Variants in CELF4 observed in about 807,000 individuals in gnomAD.
CELF4 encodes the protein CUGBP Elav-like family member 4.
Under a neutral mutation model 59.9 loss-of-function variants are expected in CELF4, and 18 were observed. The observed-to-expected ratio is 0.30, with a 90% CI of 0.21 to 0.45. The LOEUF (loss-of-function observed/expected upper bound fraction) is 0.45, where lower values mean the gene tolerates loss of function less well. CELF4 is among the 20% of genes least tolerant of loss of function. CELF4 has a pLI of 1.00. For missense variants in CELF4, 456 were observed against 689.0 expected (o/e 0.66, Z 3.79); for synonymous variants, 261 against 267.1 (o/e 0.98, Z 0.22).
intron 2 of CELF4, among the ~76,000 whole-genome samples, chr18:37,479,147 A>G (rs1000344028): frequency 3.3e-5 from 5 of 152,188 alleles, no homozygotes; most frequent in Non-Finnish European, 5.9e-5. Context: ...TAATGCCCGG[A>G]GGTGGACTCT....
intron 2 of CELF4, among the ~76,000 whole-genome samples, chr18:37,377,272 G>A (rs925791205): frequency 3.9e-5 from 6 of 152,120 alleles, no homozygotes; most frequent in African/African-American, 7.2e-5. Flanking sequence ...GCCTGAGGAC[G>A]GCCTCCTGCT....
chr18:37,249,985 T>G (rs1217564256), intron 12 of CELF4, among the ~76,000 whole-genome samples: 1 of 152,114 alleles, frequency 6.6e-6, no homozygotes, highest in African/African-American at 2.4e-5. Flanking sequence ...CAGGACAAGA[T>G]GCTTGGTGCA....
intron 2 of CELF4, among the ~76,000 whole-genome samples, chr18:37,329,115 T>C (rs977261058): frequency 8.3e-5 from 12 of 145,398 alleles, no homozygotes; most frequent in Admixed American, 6.1e-4. Flanking sequence ...TCAGGGCATT[T>C]ACCTCCTATG....
At position 37,557,859 on chromosome 18, in the gene CELF4, C is replaced by T. The variant is rs542114707; in HGVS notation, c.286+7497G>A. On this transcript the variant is annotated intron_variant, in intron 1 of 12. Coordinates refer to ENST00000420428, the MANE Select transcript of CELF4 (RefSeq NM_020180.4). Reference sequence around the variant, plus strand: ...TAGGATTTGTTCCTGAGCTGAGCTGCGGGGAATCACCCTGTTTGAAATCCT... The same window carrying T: ...TAGGATTTGTTCCTGAGCTGAGCTGTGGGGAATCACCCTGTTTGAAATCCT... Among the ~76,000 whole-genome samples, 29 of 152,112 alleles carry T rather than the reference C, an allele frequency of 1.9e-4. No homozygotes were observed. The Middle Eastern group carries it at 0.01, about 54-fold the overall frequency.
At chr18:37,269,259 T>C (rs2089957678) in intron 8 of CELF4, among the ~76,000 whole-genome samples, 1 of 151,892 alleles carries the variant, frequency 6.6e-6, no homozygotes, top group African/African-American at 2.4e-5. Flanking sequence ...TCTAGACTCC[T>C]CTGGCCTCTT....
In CELF4 at chr18:37,483,946, T is replaced by G. The variant is rs115955640; in HGVS notation, c.369+1579A>C. 3.6e-3 allele frequency among the ~76,000 whole-genome samples: 546 copies of G among 152,332 alleles called. 4 individuals are homozygous for G. The highest frequency in any genetic ancestry group is 0.012 in the African/African-American group (512 of 41,576). ...ATATGTAAAATAAACAACCACAAGT[T>G]AATGTTAGATCCTCAACAATCCACA... On this transcript the variant is annotated intron_variant, in intron 2 of 12. Coordinates refer to ENST00000420428, the MANE Select transcript of CELF4 (RefSeq NM_020180.4).
At chr18:37,490,507 G>A (rs1430549625) in intron 1 of CELF4, among the ~76,000 whole-genome samples, 2 of 152,160 alleles carry the variant, frequency 1.3e-5, no homozygotes, top group Admixed American at 6.5e-5. Flanking sequence ...CACATCTGCC[G>A]CCTGGCAAAT....
At chr18:37,379,032 C>T (rs674373) in intron 2 of CELF4, among the ~76,000 whole-genome samples, 69,342 of 152,146 alleles carry the variant, frequency 0.46, 16,326 homozygotes, top group East Asian at 0.68. Context: ...ATGCTGCTGG[C>T]TCTTCCTCAC....
intron 2 of CELF4, among the ~76,000 whole-genome samples, chr18:37,392,899 A>T (rs1276731109): frequency 3.3e-5 from 5 of 152,002 alleles, no homozygotes; most frequent in African/African-American, 9.7e-5. Context: ...CAGCGCCTAC[A>T]TTGATATTGT....
intron 2 of CELF4, among the ~76,000 whole-genome samples, chr18:37,353,032 T>C (rs375048232): frequency 3.6e-4 from 55 of 152,014 alleles, no homozygotes; most frequent in South Asian, 1.0e-3. Context: ...CCATCCTGGC[T>C]AACACGGTGA....
intron 2 of CELF4, among the ~76,000 whole-genome samples, chr18:37,366,472 C>T (rs1307067515): frequency 6.6e-6 from 1 of 152,176 alleles, no homozygotes; most frequent in East Asian, 1.9e-4. Context: ...AGGTGGGTGG[C>T]TCATCCGGTC....
At chr18:37,481,130 G>A (rs564675539) in intron 2 of CELF4, among the ~76,000 whole-genome samples, 1 of 152,330 alleles carries the variant, frequency 6.6e-6, no homozygotes, top group African/African-American at 2.4e-5. Flanking sequence ...GAGGGGAGGG[G>A]AAGGGGGAGA....
intron 1 of CELF4, among the ~76,000 whole-genome samples, chr18:37,559,779 G>A (rs1408055626): frequency 6.6e-6 from 1 of 152,168 alleles, no homozygotes; most frequent in Non-Finnish European, 1.5e-5. Context: ...TATAGATGCT[G>A]TAATAATGAG....
intron 2 of CELF4, among the ~76,000 whole-genome samples, chr18:37,431,667 C>T (rs543881285): frequency 1.3e-5 from 2 of 152,310 alleles, no homozygotes; most frequent in Non-Finnish European, 2.9e-5. Context: ...CTGCACCTGG[C>T]CCTTTCTCTC....
intron 10 of CELF4, among the ~76,000 whole-genome samples, chr18:37,262,032 C>T (rs1304352309): frequency 2.6e-5 from 4 of 152,218 alleles, no homozygotes; most frequent in Non-Finnish European, 5.9e-5. Flanking sequence ...GCGCCTGTCT[C>T]TCCCTGGCCC....
chr18:37,540,527 A>G (rs1328533833), intron 1 of CELF4, among the ~76,000 whole-genome samples: 2 of 152,080 alleles, frequency 1.3e-5, no homozygotes, highest in Admixed American at 6.6e-5. Context: ...CTGGGTCGGG[A>G]TATGTGGGCC....
At chr18:37,390,759 C>T (rs921267794) in intron 2 of CELF4, among the ~76,000 whole-genome samples, 1 of 116,496 alleles carries the variant, frequency 8.6e-6, no homozygotes, top group African/African-American at 3.4e-5. Flanking sequence ...GGACTACCTG[C>T]TGAAGAGCTG....
chr18:37,404,590 C>G (rs1220989328), intron 2 of CELF4, among the ~76,000 whole-genome samples: 6 of 152,202 alleles, frequency 3.9e-5, no homozygotes, highest in Non-Finnish European at 7.3e-5. Context: ...GCCTGGACAT[C>G]ACTCCAGCCA....
At chr18:37,310,179 C>G (rs1365417808) in intron 3 of CELF4, among the ~76,000 whole-genome samples, 1 of 152,006 alleles carries the variant, frequency 6.6e-6, no homozygotes, top group Non-Finnish European at 1.5e-5. Flanking sequence ...GGGGTGTCAC[C>G]ATCCACTTTG....
Sources: gnomAD v4.1 joint callset for allele counts (sites outside exome capture counted in the v4.1 genomes callset) on GRCh38, gnomAD v4.1.1 for gene constraint, MANE v1.5 for transcripts, NCBI Gene and HGNC (gene_info 2026-07-23, HGNC 2026-07-21) for gene names.